The following TBL1XR1 variants were observed in gnomAD, a reference collection of about 807,000 sequenced individuals.
TBL1XR1 encodes the protein F-box-like/WD repeat-containing protein TBL1XR1.
A neutral mutation model predicts 66.9 loss-of-function variants in TBL1XR1; 5 were observed. The observed-to-expected ratio is 0.07, with a 90% CI of 0.04 to 0.16. TBL1XR1 has a LOEUF of 0.16. Ranked by LOEUF, TBL1XR1 falls within the 10% of genes least tolerant of loss-of-function variation. The probability of loss-of-function intolerance (pLI) is 1.00; values close to 1 mark genes in which losing one functional copy is unlikely to be tolerated. For missense variants in TBL1XR1, 238 were observed against 623.2 expected (o/e 0.38, Z 6.58); for synonymous variants, 210 against 206.0 (o/e 1.02, Z -0.17).
At chr3:177,129,194 C>CA (rs1286930912) in intron 1 of TBL1XR1, among the ~76,000 whole-genome samples, 1 of 152,048 alleles carries the variant, frequency 6.6e-6, no homozygotes, top group Non-Finnish European at 1.5e-5. Context: ...TCCTTTATGG[C>CA]AAGAACTATC....
chr3:177,030,882 C>T (rs767545621), intron 14 of TBL1XR1, among the ~76,000 whole-genome samples: 5 of 152,064 alleles, frequency 3.3e-5, no homozygotes, highest in African/African-American at 7.2e-5. Flanking sequence ...GAGGCCAAGG[C>T]GGGTGGATGA....
intron 1 of TBL1XR1, among the ~76,000 whole-genome samples, chr3:177,100,568 G>C (rs1724076512): frequency 6.6e-6 from 1 of 151,906 alleles, no homozygotes; most frequent in South Asian, 2.1e-4. Context: ...GGCACTACAG[G>C]TACAAGCCAC....
chr3:177,180,333 C>A (rs1734665438), intron 1 of TBL1XR1, among the ~76,000 whole-genome samples: 1 of 142,382 alleles, frequency 7.0e-6, no homozygotes, highest in East Asian at 2.1e-4. Context: ...GACAAGTAAA[C>A]AAAGGGTAAA....
chr3:177,047,150 A>T, intron 9 of TBL1XR1, 150 bp downstream of exon 9: 1 of 610,224 alleles, frequency 1.6e-6, no homozygotes. Flanking sequence ...TTCAGAAATG[A>T]GCTGATAGAC....
chr3:177,133,876 C>CAAAAAAAAA (rs541940840), intron 1 of TBL1XR1, among the ~76,000 whole-genome samples: 9,029 of 105,194 alleles, frequency 0.086, 671 homozygotes, highest in Non-Finnish European at 0.12. Flanking sequence ...ACTCCTATCT[C>CAAAAAAAAA]AAAAAAAAAA....
chr3:177,121,400 A>C (rs770200557), intron 1 of TBL1XR1, among the ~76,000 whole-genome samples: 1 of 152,188 alleles, frequency 6.6e-6, no homozygotes, highest in African/African-American at 2.4e-5. Flanking sequence ...TCCATTGAGA[A>C]ATCTTGCTGG....
At chr3:177,074,040 T>G (rs1348855401) in intron 2 of TBL1XR1, among the ~76,000 whole-genome samples, 1 of 152,182 alleles carries the variant, frequency 6.6e-6, no homozygotes, top group Non-Finnish European at 1.5e-5. Context: ...AGGTCTTTGG[T>G]ACTGGAGAAT....
chr3:177,178,735 G>C (rs536975636), intron 1 of TBL1XR1, among the ~76,000 whole-genome samples: 16 of 152,268 alleles, frequency 1.1e-4, no homozygotes, highest in Non-Finnish European at 2.2e-4. Flanking sequence ...CATATTTTAA[G>C]ACAAGTTGTG....
rs1712662014 is a variant in TBL1XR1 at position 177,023,495 on chromosome 3, G to A, written c.*2003C>T. 6.6e-6 allele frequency: 1 copy of A among 152,418 alleles called. No homozygotes were observed. Among genetic ancestry groups the A allele is most frequent in the Non-Finnish European group, 1.5e-5 (1 of 67,946 alleles). The allele number at this position is 152,418 out of a possible 1,614,324, so 9.4% of individuals were successfully genotyped here. ...CTAATGTGATCCAAAACCCTAAAAAGAGCTGGCACAAAACCATCGTGAATG... is the reference window on the plus strand; with the variant it reads ...CTAATGTGATCCAAAACCCTAAAAAAAGCTGGCACAAAACCATCGTGAATG... On this transcript the variant is annotated 3_prime_UTR_variant, in exon 16 of 16. Coordinates refer to ENST00000457928, the MANE Select transcript of TBL1XR1 (RefSeq NM_024665.7).
intron 1 of TBL1XR1, among the ~76,000 whole-genome samples, chr3:177,175,026 A>G (rs966755305): frequency 2.6e-5 from 4 of 152,096 alleles, no homozygotes; most frequent in African/African-American, 9.7e-5. Flanking sequence ...AAAAGACCAA[A>G]CTGTTTGGCA....
intron 2 of TBL1XR1, among the ~76,000 whole-genome samples, chr3:177,096,636 T>C (rs1264177847): frequency 6.6e-6 from 1 of 152,204 alleles, no homozygotes. Context: ...GTTTCAAATG[T>C]GAACTTCATT....
chr3:177,106,468 T>C (rs1303497307), intron 1 of TBL1XR1, among the ~76,000 whole-genome samples: 1 of 152,142 alleles, frequency 6.6e-6, no homozygotes, highest in Non-Finnish European at 1.5e-5. Flanking sequence ...CAAATTAGAC[T>C]CTAGCAAAAT....
At chr3:177,042,678 CAAGT>C (rs1464609884) in intron 10 of TBL1XR1, among the ~76,000 whole-genome samples, 1 of 152,132 alleles carries the variant, frequency 6.6e-6, no homozygotes, top group Admixed American at 6.5e-5. Flanking sequence ...ATGTACCTGA[CAAGT>C]GAGAGAAGTG....
chr3:177,026,577 G>T, intron 14 of TBL1XR1, 103 bp from the exon 15 acceptor site: 1 of 795,452 alleles, frequency 1.3e-6, no homozygotes, highest in Admixed American at 3.6e-5. Flanking sequence ...AGCAATCAGA[G>T]GAGGGACTTA....
chr3:177,117,732 T>G (rs2108746728), intron 1 of TBL1XR1, among the ~76,000 whole-genome samples: 1 of 152,290 alleles, frequency 6.6e-6, no homozygotes, highest in South Asian at 2.1e-4. Context: ...TTGAAAGAAT[T>G]CAACAAATCT....
In TBL1XR1 at chr3:177,053,994, C is replaced by T. The variant is rs1717453508; in HGVS notation, c.59-76G>A. ...CTAAATGACACAGAAAGAAAGATCACCATCATCTTTTCAAATCCCATCCTA... is the reference window on the plus strand; with the variant it reads ...CTAAATGACACAGAAAGAAAGATCATCATCATCTTTTCAAATCCCATCCTA... On this transcript the variant is annotated intron_variant, in intron 3 of 15. Coordinates refer to ENST00000457928, the MANE Select transcript of TBL1XR1 (RefSeq NM_024665.7). 2.1e-6 allele frequency: 3 copies of T among 1,453,048 alleles called. No homozygotes were observed. The South Asian group carries it at 3.9e-5, about 19-fold the overall frequency. The allele number at this position is 1,453,048 out of a possible 1,614,324, so 90.0% of individuals were successfully genotyped here.
chr3:177,133,759 G>A (rs1419908266), intron 1 of TBL1XR1, among the ~76,000 whole-genome samples: 1 of 151,624 alleles, frequency 6.6e-6, no homozygotes, highest in African/African-American at 2.4e-5. Context: ...AAAATTAGCT[G>A]GGCATGGTGG....
At position 177,144,766 on chromosome 3, in the gene TBL1XR1, A is replaced by T. The variant is rs1432831426; in HGVS notation, c.-121-46225T>A. 2.0e-5 allele frequency among the ~76,000 whole-genome samples: 3 copies of T among 152,184 alleles called. 1 individual carries two copies. In the Middle Eastern group the frequency reaches 0.01, roughly 518 times the overall value. ...AGACTCCGTCCCAAAAAAAAAGAAA[A>T]AAAGAAAAAGAAAGCAGCCATAACC... On this transcript the variant is annotated intron_variant, in intron 1 of 15. Transcript: ENST00000457928.
intron 1 of TBL1XR1, among the ~76,000 whole-genome samples, chr3:177,116,297 G>A (rs902942519): frequency 6.6e-6 from 1 of 151,866 alleles, no homozygotes; most frequent in Non-Finnish European, 1.5e-5. Flanking sequence ...TTCCTACCTT[G>A]GTGGATGGCG....
Sources: allele counts gnomAD v4.1 joint callset (sites outside exome capture counted in the v4.1 genomes callset), GRCh38; gene constraint gnomAD v4.1.1; transcripts MANE v1.5; gene names NCBI Gene and HGNC (gene_info 2026-07-23, HGNC 2026-07-21).